The following CPEB3 variants were observed in gnomAD, a reference collection of about 807,000 sequenced individuals.
CPEB3 encodes the protein cytoplasmic polyadenylation element binding protein 3, also known as cytoplasmic polyadenylation element-binding protein 3.
In CPEB3, 20 loss-of-function variants were observed where a neutral mutation model predicts 67.2. That is an observed-to-expected ratio of 0.30 (90% confidence interval 0.21 to 0.43). The LOEUF is 0.43. CPEB3 is among the 20% of genes least tolerant of loss of function. The pLI, the probability that CPEB3 is intolerant of heterozygous loss-of-function variation, is 1.00. For synonymous variants in CPEB3, 376 were observed against 393.1 expected (o/e 0.96, Z 0.51); for missense variants, 746 against 968.6 (o/e 0.77, Z 3.05).
At chr10:92,271,202 AC>A in intron 1 of CPEB3, among the ~76,000 whole-genome samples, 1 of 152,152 alleles carries the variant, frequency 6.6e-6, no homozygotes, top group Admixed American at 6.5e-5. Flanking sequence ...ACAAACAAAC[AC>A]CTTTTCATTT....
intron 9 of CPEB3, among the ~76,000 whole-genome samples, chr10:92,078,278 C>T (rs1843010335): frequency 6.6e-6 from 1 of 152,170 alleles, no homozygotes; most frequent in Admixed American, 6.5e-5. Flanking sequence ...TACCTTTTTG[C>T]TACTTCTTCA....
chr10:92,158,501 T>C (rs537725533), intron 4 of CPEB3, among the ~76,000 whole-genome samples: 9 of 152,164 alleles, frequency 5.9e-5, no homozygotes, highest in Non-Finnish European at 1.0e-4. Context: ...TTTCTTACTA[T>C]ACACACATTG....
At chr10:92,123,052 G>A (rs761359007) in intron 6 of CPEB3, among the ~76,000 whole-genome samples, 2 of 152,170 alleles carry the variant, frequency 1.3e-5, no homozygotes, top group Admixed American at 6.5e-5. Context: ...TTGGCAGCAG[G>A]GGTGGGAATA....
chr10:92,119,102 C>T (rs893315577), intron 6 of CPEB3: 84 of 1,585,360 alleles, frequency 5.3e-5, no homozygotes, highest in Non-Finnish European at 6.5e-5. Flanking sequence ...CCAGCTATAC[C>T]AGTCTGGAGT....
chr10:92,188,798 T>A (rs1287839183), intron 3 of CPEB3, among the ~76,000 whole-genome samples: 4 of 152,240 alleles, frequency 2.6e-5, no homozygotes, highest in Admixed American at 2.0e-4. Context: ...ATTAATGCTA[T>A]AGAAGATATT....
chr10:92,114,048 T>C (rs1344746917), intron 6 of CPEB3, among the ~76,000 whole-genome samples: 8 of 152,228 alleles, frequency 5.3e-5, no homozygotes. Flanking sequence ...TGCCATTTTC[T>C]GTAATGGCAA....
At chr10:92,234,412 A>G (rs1435856828) in intron 2 of CPEB3, among the ~76,000 whole-genome samples, 2 of 152,230 alleles carry the variant, frequency 1.3e-5, no homozygotes, top group Non-Finnish European at 1.5e-5. Context: ...ATTTCTACAA[A>G]TACAAAATTT....
chr10:92,108,688 C>T (rs1844586842), intron 7 of CPEB3, among the ~76,000 whole-genome samples: 1 of 152,216 alleles, frequency 6.6e-6, no homozygotes, highest in African/African-American at 2.4e-5. Context: ...TACAATAAAA[C>T]TGCTGCACTT....
intron 3 of CPEB3, among the ~76,000 whole-genome samples, chr10:92,183,435 G>T (rs974227870): frequency 6.6e-6 from 1 of 152,174 alleles, no homozygotes; most frequent in Non-Finnish European, 1.5e-5. Flanking sequence ...CCAGAACAAG[G>T]CTTTCACTCA....
chr10:92,090,648 TTC>T (rs1202207612), intron 8 of CPEB3, among the ~76,000 whole-genome samples: 1 of 152,228 alleles, frequency 6.6e-6, no homozygotes, highest in Non-Finnish European at 1.5e-5. Flanking sequence ...GGAAAAGGAT[TTC>T]TGTCCCTCTC....
chr10:92,115,233 A>G (rs1403856570), intron 6 of CPEB3, among the ~76,000 whole-genome samples: 2 of 152,198 alleles, frequency 1.3e-5, no homozygotes, highest in Non-Finnish European at 2.9e-5. Context: ...GGATCCCTGC[A>G]ACCTCCGCCT....
chr10:92,055,230 C>T (rs1342074801), intron 9 of CPEB3, among the ~76,000 whole-genome samples: 1 of 152,234 alleles, frequency 6.6e-6, no homozygotes, highest in Non-Finnish European at 1.5e-5. Flanking sequence ...TCCAACTAAG[C>T]TTGGTAACAA....
At chr10:92,149,355 C>T (rs1174534126) in intron 4 of CPEB3, among the ~76,000 whole-genome samples, 1 of 152,206 alleles carries the variant, frequency 6.6e-6, no homozygotes, top group Admixed American at 6.5e-5. Context: ...TTACTTCCAA[C>T]ATTTTGAACT....
At chr10:92,261,940 C>T (rs145296092) in intron 1 of CPEB3, among the ~76,000 whole-genome samples, 6 of 152,294 alleles carry the variant, frequency 3.9e-5, no homozygotes, top group African/African-American at 7.2e-5. Flanking sequence ...TTCAACTATA[C>T]TACAAGTCTC....
intron 6 of CPEB3, among the ~76,000 whole-genome samples, chr10:92,112,290 G>A (rs981268855): frequency 5.9e-5 from 9 of 151,886 alleles, no homozygotes; most frequent in South Asian, 2.1e-4. Context: ...GATTACAGGC[G>A]CCCGCCACCA....
At chr10:92,079,694 C>T (rs1194695477) in intron 9 of CPEB3, among the ~76,000 whole-genome samples, 1 of 152,100 alleles carries the variant, frequency 6.6e-6, no homozygotes, top group East Asian at 1.9e-4. Context: ...AAATATAATC[C>T]TGAATATGAA....
chr10:92,282,639 T>G (rs752726521), intron 1 of CPEB3, among the ~76,000 whole-genome samples: 3 of 151,792 alleles, frequency 2.0e-5, no homozygotes, highest in Non-Finnish European at 4.4e-5. Flanking sequence ...GAGCCAAGAC[T>G]GCACCACTGT....
At chr10:92,259,470 A>T (rs941832807) in intron 1 of CPEB3, among the ~76,000 whole-genome samples, 1 of 151,960 alleles carries the variant, frequency 6.6e-6, no homozygotes, top group Non-Finnish European at 1.5e-5. Flanking sequence ...GCGTGGTGGC[A>T]CATGCCTATA....
chr10:92,166,450 A>T (rs909936592), intron 4 of CPEB3, among the ~76,000 whole-genome samples: 1 of 152,164 alleles, frequency 6.6e-6, no homozygotes, highest in African/African-American at 2.4e-5. Context: ...GGAAGTATAA[A>T]TTATACCTTG....
Sources: allele counts gnomAD v4.1 joint callset (sites outside exome capture counted in the v4.1 genomes callset), GRCh38; gene constraint gnomAD v4.1.1; transcripts MANE v1.5; gene names NCBI Gene and HGNC (gene_info 2026-07-23, HGNC 2026-07-21).